The following UCK2 variants were observed in gnomAD, a reference collection of about 807,000 sequenced individuals.
UCK2 encodes cytidine monophosphokinase 2.
In UCK2, 6 loss-of-function variants were observed where a neutral mutation model predicts 30.8. That is an observed-to-expected ratio of 0.19 (90% confidence interval 0.11 to 0.38). UCK2 has a LOEUF of 0.38. Ranked by LOEUF, UCK2 falls within the 10% of genes least tolerant of loss-of-function variation. UCK2 has a pLI of 1.00. For synonymous variants in UCK2, 125 were observed against 133.6 expected (o/e 0.94, Z 0.45); for missense variants, 210 against 339.8 (o/e 0.62, Z 3.00).
chr1:165,832,127 AT>A (rs1162753720), intron 1 of UCK2, among the ~76,000 whole-genome samples: 1 of 151,944 alleles, frequency 6.6e-6, no homozygotes, highest in African/African-American at 2.4e-5. Context: ...CTTCACTTAC[AT>A]TTTTGCTCAG....
intron 1 of UCK2, among the ~76,000 whole-genome samples, chr1:165,838,246 C>G (rs920076679): frequency 6.6e-6 from 1 of 152,196 alleles, no homozygotes; most frequent in Non-Finnish European, 1.5e-5. Context: ...ACATTCTATT[C>G]TCATAACAGC....
chr1:165,856,148 A>G (rs1273591179), intron 1 of UCK2, among the ~76,000 whole-genome samples: 1 of 152,206 alleles, frequency 6.6e-6, no homozygotes, highest in African/African-American at 2.4e-5. Context: ...ATTACATATT[A>G]TAAGATACAT....
chr1:165,896,259 C>G lies in UCK2; in HGVS notation c.426C>G (p.Ser142=). ...VLFEGILAFY[S]QEVRDLFQMK... ...TTGAAGGGATCCTGGCCTTCTACTC[C>G]CAGGAGGTACGAGACCTGTTCCAGA... is the stretch of plus-strand genomic sequence containing the variant. The change falls in exon 4 of 7, where the codon TCC becomes TCG. Residue 142 remains serine, a synonymous_variant. Coordinates refer to ENST00000367879, the MANE Select transcript of UCK2 (RefSeq NM_012474.5). The G allele has an allele frequency of 1.9e-6, 3 of 1,614,194 alleles. No homozygotes were observed. The highest frequency in any genetic ancestry group is 2.5e-6 in the Non-Finnish European group (3 of 1,180,038).
intron 1 of UCK2, among the ~76,000 whole-genome samples, chr1:165,858,879 G>T (rs1424721192): frequency 1.3e-5 from 2 of 152,122 alleles, no homozygotes; most frequent in African/African-American, 4.8e-5. Context: ...CTGTGGGAGC[G>T]GGTCCTGTTT....
intron 1 of UCK2, among the ~76,000 whole-genome samples, chr1:165,874,695 G>T (rs764999860): frequency 6.6e-6 from 1 of 151,930 alleles, no homozygotes; most frequent in Non-Finnish European, 1.5e-5. Context: ...AAAACAGGAA[G>T]ATTTTTTTTT....
At chr1:165,899,026 G>A (rs1647370474) in intron 4 of UCK2, among the ~76,000 whole-genome samples, 1 of 152,186 alleles carries the variant, frequency 6.6e-6, no homozygotes, top group Non-Finnish European at 1.5e-5. Flanking sequence ...GGAGTGCGGG[G>A]GTGCTGGGGT....
intron 1 of UCK2, among the ~76,000 whole-genome samples, chr1:165,876,283 C>T (rs575532113): frequency 5.9e-5 from 9 of 152,344 alleles, no homozygotes; most frequent in African/African-American, 1.9e-4. Context: ...CCCTGAAGCA[C>T]ACCACTGGAT....
intron 3 of UCK2, 82 bp downstream of exon 3, chr1:165,891,404 C>A: frequency 7.7e-7 from 1 of 1,296,196 alleles, no homozygotes; most frequent in Non-Finnish European, 1.1e-6. Flanking sequence ...TCCTTCCTTA[C>A]CTCTCGCACT....
chr1:165,862,329 G>T (rs1654934470), intron 1 of UCK2, among the ~76,000 whole-genome samples: 2 of 152,148 alleles, frequency 1.3e-5, no homozygotes, highest in Admixed American at 1.3e-4. Context: ...CCAGGTTCAG[G>T]ACAGTGCTGC....
intron 1 of UCK2, among the ~76,000 whole-genome samples, chr1:165,852,079 A>G (rs1046570639): frequency 9.2e-5 from 14 of 152,340 alleles, no homozygotes; most frequent in African/African-American, 3.4e-4. Flanking sequence ...AATGATTTAT[A>G]TTCCTTTGGG....
intron 2 of UCK2, chr1:165,890,698 C>G: frequency 1.0e-5 from 3 of 300,770 alleles, no homozygotes; most frequent in Non-Finnish European, 1.9e-5. Flanking sequence ...CCTCGTCAGA[C>G]CCTCCTCCTC....
intron 1 of UCK2, among the ~76,000 whole-genome samples, chr1:165,832,662 G>T (rs1247136093): frequency 2.6e-5 from 4 of 152,052 alleles, no homozygotes; most frequent in Non-Finnish European, 5.9e-5. Flanking sequence ...AGGCTGGAGT[G>T]CAGGGGTGCG....
At chr1:165,847,854 C>T (rs974254529) in intron 1 of UCK2, among the ~76,000 whole-genome samples, 3 of 152,072 alleles carry the variant, frequency 2.0e-5, no homozygotes, top group Non-Finnish European at 4.4e-5. Context: ...AGTGCAGTGG[C>T]GTACTCTTGG....
chr1:165,836,903 T>G (rs912013808), intron 1 of UCK2, among the ~76,000 whole-genome samples: 1 of 152,202 alleles, frequency 6.6e-6, no homozygotes, highest in Non-Finnish European at 1.5e-5. Context: ...ATTGAGTGCC[T>G]GACACCTGGC....
At chr1:165,879,818 T>C (rs767583221) in intron 1 of UCK2, among the ~76,000 whole-genome samples, 22 of 152,094 alleles carry the variant, frequency 1.4e-4, no homozygotes, top group South Asian at 4.1e-4. Context: ...CTTCAAATGC[T>C]ATGAAGAATA....
At chr1:165,875,465 C>CACCA (rs1183937105) in intron 1 of UCK2, among the ~76,000 whole-genome samples, 2 of 152,194 alleles carry the variant, frequency 1.3e-5, no homozygotes, top group African/African-American at 2.4e-5. Context: ...AAGGCACAGA[C>CACCA]ACCAGTTGAG....
intron 1 of UCK2, among the ~76,000 whole-genome samples, chr1:165,853,357 T>A (rs966412930): frequency 2.4e-5 from 3 of 125,190 alleles, no homozygotes; most frequent in African/African-American, 9.4e-5. Flanking sequence ...ATATTTGATA[T>A]TTTTTTTTTT....
chr1:165,903,125 C>T (rs1025731885), intron 4 of UCK2, 57 bp from the exon 5 acceptor site: 82 of 1,349,524 alleles, frequency 6.1e-5, no homozygotes, highest in Admixed American at 3.3e-4. Flanking sequence ...CCATGAAGGG[C>T]GGGTGTGTGC....
At chr1:165,885,948 T>G (rs898845055) in intron 1 of UCK2, among the ~76,000 whole-genome samples, 1 of 152,210 alleles carries the variant, frequency 6.6e-6, no homozygotes, top group Admixed American at 6.5e-5. Context: ...CGTCTTTAAG[T>G]GTACATCTCA....
Sources: allele counts gnomAD v4.1 joint callset (sites outside exome capture counted in the v4.1 genomes callset), GRCh38; gene constraint gnomAD v4.1.1; transcripts MANE v1.5; gene names NCBI Gene and HGNC (gene_info 2026-07-23, HGNC 2026-07-21).